Variants in SLC27A6 observed in about 807,000 individuals in gnomAD.
The protein encoded by SLC27A6 is long-chain fatty acid transport protein 6.
SLC27A6 carries 74 observed loss-of-function variants against 63.9 expected under a neutral mutation model. The observed-to-expected ratio is 1.16, with a 90% CI of 0.96 to 1.40. The LOEUF is 1.40. Ranked by LOEUF, SLC27A6 falls within the 40% of genes most tolerant of loss-of-function variation. The pLI is 0.00. For missense variants in SLC27A6, 794 were observed against 732.9 expected (o/e 1.08, Z -0.96); for synonymous variants, 287 against 260.8 (o/e 1.10, Z -0.97).
At chr5:128,995,517 G>A (rs1411646451) in intron 4 of SLC27A6, among the ~76,000 whole-genome samples, 1 of 152,184 alleles carries the variant, frequency 6.6e-6, no homozygotes, top group African/African-American at 2.4e-5. Flanking sequence ...GTGCGGTGAT[G>A]GAGAATGATG....
Position 128,966,617 on chromosome 5 carries a change from A to T in SLC27A6, c.480A>T (p.Ala160=), listed in dbSNP as rs1189990634. 1 of 1,514,414 alleles carries T rather than the reference A, an allele frequency of 6.6e-7. No individual in the cohort carries two copies. Among genetic ancestry groups the T allele is most frequent in the African/African-American group, 1.4e-5 (1 of 72,050 alleles). The allele number at this position is 1,514,414 out of a possible 1,614,324, so 93.8% of individuals were successfully genotyped here. ...GGCCCAGAGCCCTAGTGGTGGGCGC[A>T]GGTAGAGTATGGGGTGTGGTCTGCC... ...ACGPRALVVG[A]DLLGTVEEIL... The change falls in exon 1 of 10, where the codon GCA becomes GCT. Residue 160 remains alanine, a splice_region_variant and synonymous_variant. Coordinates refer to ENST00000262462, the MANE Select transcript of SLC27A6 (RefSeq NM_001017372.3).
chr5:128,985,758 TAA>T (rs1204645191), intron 2 of SLC27A6, among the ~76,000 whole-genome samples: 1 of 152,196 alleles, frequency 6.6e-6, no homozygotes, highest in Non-Finnish European at 1.5e-5. Context: ...CTTTTGGATT[TAA>T]AAAGTGTTTT....
intron 1 of SLC27A6, among the ~76,000 whole-genome samples, chr5:128,976,939 A>G (rs1476976334): frequency 6.6e-6 from 1 of 152,206 alleles, no homozygotes; most frequent in African/African-American, 2.4e-5. Flanking sequence ...TAAAATATAT[A>G]CCATATGCAA....
chr5:128,966,035 C>G lies in SLC27A6; in HGVS notation c.-103C>G. The G allele has an allele frequency of 7.2e-7, 1 of 1,383,826 alleles. No homozygotes were observed. The highest frequency in any genetic ancestry group is 9.7e-7 in the Non-Finnish European group (1 of 1,035,420). The allele number at this position is 1,383,826 out of a possible 1,614,324, so 85.7% of individuals were successfully genotyped here. On this transcript the variant is annotated 5_prime_UTR_variant, in exon 1 of 10. Transcript: ENST00000262462. ...GCTGACAAGAACTTCAGGTGTAAGC[C>G]CTGAGTAGTGAGGATCTGCGGTCTC...
chr5:128,981,812 C>CTT, intron 1 of SLC27A6, among the ~76,000 whole-genome samples: 1 of 148,834 alleles, frequency 6.7e-6, no homozygotes. Context: ...TCTTTCTTTT[C>CTT]TTTTCTTTTT....
At chr5:128,968,090 C>G (rs1416299561) in intron 1 of SLC27A6, among the ~76,000 whole-genome samples, 2 of 152,182 alleles carry the variant, frequency 1.3e-5, no homozygotes, top group African/African-American at 4.8e-5. Flanking sequence ...AGGACATGAA[C>G]TCATCCTTTT....
chr5:129,015,819 T>C (rs1751871525), intron 4 of SLC27A6, 66 bp from the exon 5 acceptor site: 1 of 1,153,428 alleles, frequency 8.7e-7, no homozygotes, highest in East Asian at 2.6e-5. Context: ...ATTTTTCATT[T>C]AAATAATAAT....
chr5:128,966,723 GA>G (rs1216090996), intron 1 of SLC27A6, 105 bp downstream of exon 1: 1 of 1,172,670 alleles, frequency 8.5e-7, no homozygotes, highest in African/African-American at 1.6e-5. Context: ...TTGGGTGAGT[GA>G]AGTGTGCATG....
chr5:128,983,869 G>A (rs1165967704), intron 1 of SLC27A6, among the ~76,000 whole-genome samples: 1 of 152,054 alleles, frequency 6.6e-6, no homozygotes, highest in Non-Finnish European at 1.5e-5. Flanking sequence ...TCCCTCAGAA[G>A]GATCCAAGAA....
At chr5:129,008,307 C>T (rs1170001280) in intron 4 of SLC27A6, among the ~76,000 whole-genome samples, 3 of 152,048 alleles carry the variant, frequency 2.0e-5, no homozygotes, top group African/African-American at 7.2e-5. Context: ...AGTCTTGATC[C>T]TAGTTTAGAA....
chr5:129,027,290 C>G lies in SLC27A6; in HGVS notation c.1413C>G (p.Asp471Glu). ...GAGACTTAATAGTCCAGGATCAGGACAATTTCCTTTATTTTTGGGACCGTA... is the reference window on the plus strand; with the variant it reads ...GAGACTTAATAGTCCAGGATCAGGAGAATTTCCTTTATTTTTGGGACCGTA... ...NTGDLIVQDQ[D>E]NFLYFWDRTG... The change falls in exon 7 of 10, where the codon GAC becomes GAG. Residue 471 changes from aspartate (D) to glutamate (E), a missense_variant. Physicochemically the swap from Asp to Glu is conservative, Grantham distance 45 (BLOSUM62 2). Coordinates refer to ENST00000262462, the MANE Select transcript of SLC27A6 (RefSeq NM_001017372.3). 6.2e-7 allele frequency: 1 copy of G among 1,612,984 alleles called. No individual in the cohort carries two copies. The highest frequency in any genetic ancestry group is 8.5e-7 in the Non-Finnish European group (1 of 1,179,222).
At position 129,033,444 on chromosome 5, in the gene SLC27A6, T is replaced by C. The variant is rs1752473866; in HGVS notation, c.*162T>C. 2.4e-6 allele frequency: 1 copy of C among 414,686 alleles called. No individual in the cohort carries two copies. The highest frequency in any genetic ancestry group is 4.3e-6 in the Non-Finnish European group (1 of 233,106). The allele number at this position is 414,686 out of a possible 1,614,324, so 25.7% of individuals were successfully genotyped here. On this transcript the variant is annotated 3_prime_UTR_variant, in exon 10 of 10. Transcript: ENST00000262462. ...TTAATTGCATAAGAATTTTAATTTC[T>C]TTTAATTGATATAAACAGTAGTTGA... is the stretch of plus-strand genomic sequence containing the variant.
chr5:128,974,019 G>A (rs1750286735), intron 1 of SLC27A6, among the ~76,000 whole-genome samples: 1 of 152,166 alleles, frequency 6.6e-6, no homozygotes, highest in African/African-American at 2.4e-5. Flanking sequence ...AATTGATAAG[G>A]CCGTAAGTTC....
chr5:128,998,056 G>A (rs1751215884), intron 4 of SLC27A6, among the ~76,000 whole-genome samples: 1 of 149,804 alleles, frequency 6.7e-6, no homozygotes, highest in East Asian at 2.0e-4. Context: ...AAGGCACGAG[G>A]ATTGCTTGAG....
chr5:129,021,898 A>G (rs1323460489), intron 5 of SLC27A6, among the ~76,000 whole-genome samples: 1 of 152,194 alleles, frequency 6.6e-6, no homozygotes, highest in African/African-American at 2.4e-5. Flanking sequence ...AATGAATCTC[A>G]CCCACACACA....
intron 5 of SLC27A6, among the ~76,000 whole-genome samples, chr5:129,017,875 T>C (rs911042612): frequency 6.6e-6 from 1 of 152,106 alleles, no homozygotes; most frequent in South Asian, 2.1e-4. Context: ...GCTTTCCCAC[T>C]CAGGATAATG....
intron 4 of SLC27A6, among the ~76,000 whole-genome samples, chr5:128,991,002 A>T (rs1750962058): frequency 6.6e-6 from 1 of 152,156 alleles, no homozygotes; most frequent in African/African-American, 2.4e-5. Context: ...ATAAACACAG[A>T]CCAGAAGAGT....
chr5:129,009,851 T>C (rs1411299524), intron 4 of SLC27A6, among the ~76,000 whole-genome samples: 1 of 152,012 alleles, frequency 6.6e-6, no homozygotes, highest in African/African-American at 2.4e-5. Flanking sequence ...ATTTTTTGTA[T>C]TTTTTAGTAG....
chr5:128,966,035 C>T lies in SLC27A6; in HGVS notation c.-103C>T. On this transcript the variant is annotated 5_prime_UTR_variant, in exon 1 of 10. Coordinates refer to ENST00000262462, the MANE Select transcript of SLC27A6 (RefSeq NM_001017372.3). ...GCTGACAAGAACTTCAGGTGTAAGCCCTGAGTAGTGAGGATCTGCGGTCTC... is the reference window on the plus strand; with the variant it reads ...GCTGACAAGAACTTCAGGTGTAAGCTCTGAGTAGTGAGGATCTGCGGTCTC... 14 of 1,383,826 alleles carry T rather than the reference C, an allele frequency of 1.0e-5. No individual in the cohort carries two copies. The highest frequency in any genetic ancestry group is 1.4e-5 in the African/African-American group (1 of 69,432). The allele number at this position is 1,383,826 out of a possible 1,614,324, so 85.7% of individuals were successfully genotyped here.
Sources: allele counts gnomAD v4.1 joint callset (sites outside exome capture counted in the v4.1 genomes callset), GRCh38; gene constraint gnomAD v4.1.1; transcripts MANE v1.5; gene names NCBI Gene and HGNC (gene_info 2026-07-23, HGNC 2026-07-21).